PCDHGA8: variants seen among roughly 807,000 people sequenced by gnomAD.
PCDHGA8 encodes the protein protocadherin gamma subfamily A, 8, also known as protocadherin gamma-A8.
A neutral mutation model predicts 59.2 loss-of-function variants in PCDHGA8; 45 were observed. The ratio of observed to expected loss-of-function variants is 0.76; its 90% CI spans 0.60 to 0.98. The LOEUF (loss-of-function observed/expected upper bound fraction) is 0.98, where lower values mean the gene tolerates loss of function less well. Among genes scored for constraint, PCDHGA8 ranks in the 50% least tolerant of loss-of-function variants. The pLI is 0.00. For synonymous variants in PCDHGA8, 531 were observed against 519.0 expected (o/e 1.02, Z -0.32); for missense variants, 1,257 against 1,196.2 (o/e 1.05, Z -0.75).
In PCDHGA8 at chr5:141,448,136, A is replaced by G. The variant is rs2098567363; in HGVS notation, c.2425-46671A>G. Among the ~76,000 whole-genome samples, 5 of 152,036 alleles carry G rather than the reference A, an allele frequency of 3.3e-5. No individual in the cohort carries two copies. The South Asian group carries it at 1.0e-3, about 32-fold the overall frequency. On this transcript the variant is annotated intron_variant, in intron 1 of 3. Transcript: ENST00000398604. ...AAAATTAGCCTCCCCCACCCTCACT[A>G]TACCTCAGACTCACCCCTGAAAGAT...
At position 141,486,047 on chromosome 5, in the gene PCDHGA8, C is replaced by G. The variant is rs763394605; in HGVS notation, c.2425-8760C>G. The G allele has an allele frequency of 3.1e-6, 5 of 1,614,172 alleles. No homozygotes were observed. The East Asian group carries it at 6.7e-5, about 22-fold the overall frequency. On this transcript the variant is annotated intron_variant, in intron 1 of 3. Transcript: ENST00000398604. This position sits in a 1 kb window ranked among gnomAD's most constrained non-coding sequence, Gnocchi z 5.0. ...TCATACCCCTGATCGTGTAAGAAAC[C>G]TCTTTAGCCTGCACCCCACTACTGG...
intron 1 of PCDHGA8, chr5:141,409,546 C>A (rs775680397): frequency 6.2e-7 from 1 of 1,613,880 alleles, no homozygotes; most frequent in African/African-American, 1.3e-5. Flanking sequence ...TCAACGACAA[C>A]GCCCCAGTTT....
chr5:141,427,822 T>C (rs1446832816), intron 1 of PCDHGA8: 1 of 1,534,220 alleles, frequency 6.5e-7, no homozygotes, highest in Non-Finnish European at 8.9e-7. Flanking sequence ...GGGGTGGTGG[T>C]CGCGCAGCGT....
At chr5:141,466,545 T>C (rs2099124777) in intron 1 of PCDHGA8, among the ~76,000 whole-genome samples, 1 of 152,216 alleles carries the variant, frequency 6.6e-6, no homozygotes. Flanking sequence ...AGATGGTCTT[T>C]TGCTGTGGGC....
chr5:141,460,924 A>ATG (rs1333352687), intron 1 of PCDHGA8, among the ~76,000 whole-genome samples: 26 of 150,590 alleles, frequency 1.7e-4, no homozygotes, highest in South Asian at 6.3e-4. Flanking sequence ...ATATATATAT[A>ATG]TGTGTGTGTG....
At chr5:141,405,044 G>T (rs769617162) in intron 1 of PCDHGA8, 160 of 1,613,938 alleles carry the variant, frequency 9.9e-5, no homozygotes, top group Middle Eastern at 1.6e-4. Flanking sequence ...TGTGGCTGTG[G>T]CAGTCGTCTC....
rs185995562 is a variant in PCDHGA8 at position 141,410,475 on chromosome 5, A to T, written c.2424+15238A>T. 63 of 1,614,052 alleles carry T rather than the reference A, an allele frequency of 3.9e-5. No individual in the cohort carries two copies. The highest frequency in any genetic ancestry group is 3.3e-4 in the Middle Eastern group (2 of 6,062). ...TATTCTTATAATCTGTGCATTGCAC[A>T]TACGGGTACAAAAGAGTTTAATTTC... On this transcript the variant is annotated intron_variant, in intron 1 of 3. Transcript: ENST00000398604.
intron 1 of PCDHGA8, chr5:141,399,854 G>T (rs747617678): frequency 6.2e-7 from 1 of 1,612,904 alleles, no homozygotes; most frequent in Non-Finnish European, 8.5e-7. Flanking sequence ...ATGGTGCCGC[G>T]CGCTGCAGAG....
At chr5:141,403,414 T>C (rs373392812) in intron 1 of PCDHGA8, 142 of 1,613,926 alleles carry the variant, frequency 8.8e-5, no homozygotes, top group Middle Eastern at 1.6e-4. Context: ...GTTATCCACT[T>C]CCAGAAGCTA....
At chr5:141,426,010 C>T (rs2096909211) in intron 1 of PCDHGA8, among the ~76,000 whole-genome samples, 1 of 152,178 alleles carries the variant, frequency 6.6e-6, no homozygotes, top group Non-Finnish European at 1.5e-5. Flanking sequence ...CTTCCGGCTG[C>T]AGTTTTCTAA....
intron 1 of PCDHGA8, chr5:141,399,866 C>G (rs1312435366): frequency 1.1e-5 from 17 of 1,612,854 alleles, no homozygotes; most frequent in Non-Finnish European, 1.4e-5. Context: ...GCTGCAGAGC[C>G]CGGCTACCTG....
At chr5:141,400,539 T>C (rs1339848826) in intron 1 of PCDHGA8, 7 of 1,613,782 alleles carry the variant, frequency 4.3e-6, no homozygotes, top group African/African-American at 4.0e-5. Context: ...GTTTCATTTA[T>C]GTCTATTCTT....
intron 1 of PCDHGA8, among the ~76,000 whole-genome samples, chr5:141,461,906 C>A (rs2154567542): frequency 6.6e-6 from 1 of 152,270 alleles, no homozygotes; most frequent in South Asian, 2.1e-4. Context: ...TCACTGCAAC[C>A]TCTGCCTCCT....
chr5:141,403,614 G>C (rs772617526), intron 1 of PCDHGA8: 1 of 1,613,860 alleles, frequency 6.2e-7, no homozygotes, highest in Admixed American at 1.7e-5. Context: ...GGCGAGCCGC[G>C]TCGCTCCAGC....
Position 141,432,059 on chromosome 5 carries a change from A to T in PCDHGA8, c.2424+36822A>T. On this transcript the variant is annotated intron_variant, in intron 1 of 3. Transcript: ENST00000398604. This position sits in a 1 kb window ranked among gnomAD's most constrained non-coding sequence, Gnocchi z 6.0. ...TGACCGGGGAACCCCGCCCCTATCC[A>T]CGGAAACTCATATCTCGCTGAACGT... The T allele has an allele frequency of 6.2e-7, 1 of 1,614,170 alleles. No homozygotes were observed. Among genetic ancestry groups the T allele is most frequent in the Non-Finnish European group, 8.5e-7 (1 of 1,180,030 alleles).
intron 2 of PCDHGA8, among the ~76,000 whole-genome samples, chr5:141,503,963 C>T (rs900066192): frequency 7.2e-5 from 11 of 152,188 alleles, no homozygotes; most frequent in Admixed American, 6.5e-4. Flanking sequence ...ACAGCCTTTC[C>T]CATGGTGCCA....
chr5:141,419,561 G>T, intron 1 of PCDHGA8: 1 of 1,611,846 alleles, frequency 6.2e-7, no homozygotes. Flanking sequence ...CCCTGCGCTG[G>T]GTCCCGACGG....
At chr5:141,409,358 A>G (rs757614552) in intron 1 of PCDHGA8, 2 of 1,613,900 alleles carry the variant, frequency 1.2e-6, no homozygotes, top group Non-Finnish European at 8.5e-7. Flanking sequence ...CAGGTGTAAT[A>G]TAGAAACAGA....
chr5:141,409,251 CTT>C (rs771889477), intron 1 of PCDHGA8: 78 of 1,613,922 alleles, frequency 4.8e-5, no homozygotes, highest in Non-Finnish European at 6.2e-5. Context: ...ATAATCATCA[CTT>C]CTCTCTCTGA....
Sources: gnomAD v4.1 joint callset for allele counts (sites outside exome capture counted in the v4.1 genomes callset) on GRCh38, gnomAD v4.1.1 for gene constraint, Gnocchi (gnomAD v3.1) non-coding constraint, MANE v1.5 for transcripts, NCBI Gene and HGNC (gene_info 2026-07-23, HGNC 2026-07-21) for gene names.